Variants in VPS36 observed in about 807,000 individuals in gnomAD.
VPS36 encodes vacuolar protein sorting 36 homolog.
Under a neutral mutation model 63.5 loss-of-function variants are expected in VPS36, and 31 were observed. That is an observed-to-expected ratio of 0.49 (90% CI 0.37 to 0.66). The LOEUF is 0.66. Ranked by LOEUF, VPS36 falls within the 30% of genes least tolerant of loss-of-function variation. The pLI, the probability that VPS36 is intolerant of heterozygous loss-of-function variation, is 0.00. For synonymous variants in VPS36, 138 were observed against 157.2 expected, an observed-to-expected ratio of 0.88 and a Z score of 0.91; for missense variants, 338 against 463.7, an observed-to-expected ratio of 0.73 and a Z score of 2.49.
intron 9 of VPS36, among the ~76,000 whole-genome samples, chr13:52,423,985 G>A (rs1594114550): frequency 6.6e-6 from 1 of 152,092 alleles, no homozygotes; most frequent in East Asian, 1.9e-4. Flanking sequence ...AGCCTCCTGA[G>A]TAGCTGGCAC....
chr13:52,448,563 C>T (rs558790809), intron 1 of VPS36, among the ~76,000 whole-genome samples: 1 of 152,206 alleles, frequency 6.6e-6, no homozygotes, highest in Non-Finnish European at 1.5e-5. Context: ...GCAATGTTTT[C>T]CCCATGATTT....
chr13:52,423,512 C>T (rs537090484), intron 10 of VPS36, 62 bp downstream of exon 10: 69 of 1,429,818 alleles, frequency 4.8e-5, no homozygotes, highest in Admixed American at 3.6e-4. Context: ...AAATTGTATT[C>T]GGAATTTGTA....
chr13:52,441,128 G>A (rs1198158250), intron 2 of VPS36, among the ~76,000 whole-genome samples: 1 of 152,142 alleles, frequency 6.6e-6, no homozygotes. Flanking sequence ...CAGTACTGGG[G>A]GTTGGGGGGT....
At position 52,450,588 on chromosome 13, in the gene VPS36, G is replaced by C. The variant is rs577147750; in HGVS notation, c.7C>G (p.Arg3Gly). Residue 3 changes from arginine (R) to glycine (G), a missense_variant, in exon 1 of 14, where the codon CGC becomes GGC. Physicochemically the swap from Arg to Gly is moderately radical, Grantham distance 125 (BLOSUM62 -2). Coordinates refer to ENST00000378060, the MANE Select transcript of VPS36 (RefSeq NM_016075.4). Reference protein sequence around the residue: MDRFVWTSGLLEI... With the variant: MDGFVWTSGLLEI... ...AGGAGGCCGCTGGTCCAAACGAAGCGGTCCATGGCCGCTGCCACCCAGCCC... is the reference window on the plus strand; with the variant it reads ...AGGAGGCCGCTGGTCCAAACGAAGCCGTCCATGGCCGCTGCCACCCAGCCC... 4.4e-6 allele frequency: 7 copies of C among 1,578,078 alleles called. No homozygotes were observed. The South Asian group carries it at 8.0e-5, about 18-fold the overall frequency.
Position 52,439,124 on chromosome 13 carries a change from T to C in VPS36, c.210A>G (p.Glu70=). The C allele has an allele frequency of 5.6e-6, 9 of 1,613,906 alleles. No homozygotes were observed. Among genetic ancestry groups the C allele is most frequent in the Non-Finnish European group, 7.6e-6 (9 of 1,179,926 alleles). Residue 70 remains glutamate, a synonymous_variant, in exon 3 of 14, where the codon GAA becomes GAG. Coordinates refer to ENST00000378060, the MANE Select transcript of VPS36 (RefSeq NM_016075.4). ...AILLSQIVFI[E]EQAAGIGKSA... ...TCTTCCCAATTCCAGCCGCCTGTTC[T>C]TCAATGAACACAATTTGGGAAAGGA...
Position 52,433,665 on chromosome 13 carries a change from A to T in VPS36, c.525T>A (p.Ser175=). The T allele has an allele frequency of 6.2e-7, 1 of 1,611,588 alleles. No homozygotes were observed. The highest frequency in any genetic ancestry group is 1.1e-5 in the South Asian group (1 of 90,870). Residue 175 remains serine (S), a synonymous_variant, in exon 6 of 14, where the codon TCT becomes TCA. Transcript: ENST00000378060. ...EKRKETDKNI[S]EAFEDLSKLM... ...AGAGCCAGAATTTAACAGTTACCTC[A>T]GAAATGTTTTTGTCAGTTTCTTTTC...
intron 10 of VPS36, 110 bp downstream of exon 10, chr13:52,423,464 G>T: frequency 1.1e-6 from 1 of 904,584 alleles, no homozygotes; most frequent in Non-Finnish European, 1.8e-6. Context: ...GTACCACAGT[G>T]CTTCTCAAAA....
At position 52,415,937 on chromosome 13, in the gene VPS36, AC is replaced by A; in HGVS notation, c.1068-15del. 1 of 1,613,450 alleles carries A rather than the reference AC, an allele frequency of 6.2e-7. No homozygotes were observed. The highest frequency in any genetic ancestry group is 1.3e-5 in the African/African-American group (1 of 74,924). ...GCAAGCAGCAACCTAAAAAAAAACA[AC>A]AAAAAAACCCCCACACAATTATCTG... On this transcript the variant is annotated splice_polypyrimidine_tract_variant and intron_variant, in intron 13 of 13. Transcript: ENST00000378060.
In VPS36 at chr13:52,439,291, T is replaced by A. The variant is rs894953664; in HGVS notation, c.166-123A>T. ...TAATAATAAAAATAATGAAAAACAATAATGATTTTACTCCTTAAATGAACT... is the reference window on the plus strand; with the variant it reads ...TAATAATAAAAATAATGAAAAACAAAAATGATTTTACTCCTTAAATGAACT... On this transcript the variant is annotated intron_variant, in intron 2 of 13. Transcript: ENST00000378060. 3.9e-6 allele frequency: 3 copies of A among 766,952 alleles called. No individual in the cohort carries two copies. In the African/African-American group the frequency reaches 5.2e-5, roughly 13 times the overall value. 47.5% of individuals were successfully genotyped at this position (766,952 alleles called of 1,614,324 possible).
rs1001739787 is a variant in VPS36, at chr13:52,416,079, T to A, written c.1005A>T (p.Gly335=). ...TAGCAAACTCTTCTGATGTTAGGGA[T>A]CCCTTTTCTGAAACCTAATAGAAAC... is the stretch of plus-strand genomic sequence containing the variant. ...ASALETVSEK[G]SLTSEEFAKL... is the part of the protein sequence containing the mutation. Residue 335 remains glycine, a synonymous_variant, in exon 13 of 14, where the codon GGA becomes GGT. Coordinates refer to ENST00000378060, the MANE Select transcript of VPS36 (RefSeq NM_016075.4). 2.2e-5 allele frequency: 36 copies of A among 1,613,074 alleles called. No individual in the cohort carries two copies. Among genetic ancestry groups the A allele is most frequent in the Non-Finnish European group, 3.1e-5 (36 of 1,179,776 alleles).
At chr13:52,428,221 A>T (rs534931746) in intron 6 of VPS36, among the ~76,000 whole-genome samples, 4 of 152,322 alleles carry the variant, frequency 2.6e-5, no homozygotes, top group African/African-American at 9.6e-5. Flanking sequence ...TATATTTATA[A>T]TAAATTATTT....
intron 6 of VPS36, chr13:52,429,374 C>G (rs1958133691): frequency 2.3e-6 from 2 of 858,194 alleles, no homozygotes; most frequent in Middle Eastern, 5.8e-4. Context: ...TCTGCTAGAG[C>G]CTATTCATCT....
chr13:52,427,323 C>A, intron 6 of VPS36, 104 bp from the exon 7 acceptor site: 1 of 1,241,184 alleles, frequency 8.1e-7, no homozygotes, highest in South Asian at 1.3e-5. Context: ...TTGAAATTTT[C>A]AGCCGGGCGC....
intron 1 of VPS36, among the ~76,000 whole-genome samples, chr13:52,447,671 C>T (rs957817762): frequency 2.0e-5 from 3 of 152,192 alleles, no homozygotes; most frequent in African/African-American, 7.2e-5. Flanking sequence ...CCTTAGACAG[C>T]TCACAGTTTT....
At chr13:52,433,594 C>G (rs919256559) in intron 6 of VPS36, 68 bp downstream of exon 6, 1 of 1,201,802 alleles carries the variant, frequency 8.3e-7, no homozygotes, top group African/African-American at 1.5e-5. Flanking sequence ...GGGAATTAGG[C>G]ACAGCTGTAT....
chr13:52,424,146 C>T (rs982582257), intron 9 of VPS36, among the ~76,000 whole-genome samples: 1 of 152,170 alleles, frequency 6.6e-6, no homozygotes, highest in Non-Finnish European at 1.5e-5. Flanking sequence ...AGGCGTGAGC[C>T]ACTGTGCCTG....
intron 10 of VPS36, among the ~76,000 whole-genome samples, chr13:52,420,255 G>A (rs1166091476): frequency 6.6e-6 from 1 of 151,744 alleles, no homozygotes; most frequent in Non-Finnish European, 1.5e-5. Context: ...AAAAAAAAGG[G>A]GGGGAATAAG....
At chr13:52,446,628 A>AT (rs1958346343) in intron 1 of VPS36, among the ~76,000 whole-genome samples, 2 of 151,644 alleles carry the variant, frequency 1.3e-5, no homozygotes, top group Non-Finnish European at 2.9e-5. Flanking sequence ...TTTAATTTAC[A>AT]TTTTTTCTGT....
intron 12 of VPS36, among the ~76,000 whole-genome samples, chr13:52,416,490 C>G (rs1957993703): frequency 6.6e-6 from 1 of 152,076 alleles, no homozygotes; most frequent in African/African-American, 2.4e-5. Flanking sequence ...TATCTGTAGT[C>G]TTGGGGTTTT....
Sources: allele counts gnomAD v4.1 joint callset (sites outside exome capture counted in the v4.1 genomes callset), GRCh38; gene constraint gnomAD v4.1.1; transcripts MANE v1.5; gene names NCBI Gene and HGNC (gene_info 2026-07-23, HGNC 2026-07-21).